Variants in LRRTM4 observed in about 807,000 individuals in gnomAD.
LRRTM4 encodes the protein leucine rich repeat transmembrane neuronal 4.
LRRTM4 carries 25 observed loss-of-function variants against 47.6 expected under a neutral mutation model. The observed-to-expected ratio is 0.53, with a 90% CI of 0.38 to 0.73. LRRTM4 has a LOEUF of 0.73. Ranked by LOEUF, LRRTM4 falls within the 30% of genes least tolerant of loss-of-function variation. The pLI is 0.00. For missense variants in LRRTM4, 638 were observed against 713.4 expected (o/e 0.89, Z 1.20); for synonymous variants, 311 against 269.5 (o/e 1.15, Z -1.51).
At chr2:77,205,072 G>A (rs986534067) in intron 3 of LRRTM4, among the ~76,000 whole-genome samples, 5 of 152,162 alleles carry the variant, frequency 3.3e-5, no homozygotes, top group Admixed American at 1.3e-4. Flanking sequence ...TTACTTATCC[G>A]TTGGAAGGGT....
intron 3 of LRRTM4, among the ~76,000 whole-genome samples, chr2:77,021,092 CTGTATCTATCTATCTA>C (rs1341265960): frequency 1.5e-5 from 2 of 137,298 alleles, no homozygotes; most frequent in South Asian, 2.4e-4. Context: ...AGAAACTTCT[CTGTATCTATCTATCTA>C]TGTATCTATC....
chr2:77,166,263 C>A (rs1272640235), intron 3 of LRRTM4, among the ~76,000 whole-genome samples: 1 of 152,062 alleles, frequency 6.6e-6, no homozygotes, highest in Non-Finnish European at 1.5e-5. Flanking sequence ...ATGTGAAGGA[C>A]CTCTTCAAGG....
chr2:77,176,770 T>C (rs1028983983), intron 3 of LRRTM4, among the ~76,000 whole-genome samples: 3 of 152,174 alleles, frequency 2.0e-5, no homozygotes, highest in African/African-American at 7.2e-5. Flanking sequence ...GCTCCTGAGA[T>C]AGGAATCTGG....
intron 3 of LRRTM4, among the ~76,000 whole-genome samples, chr2:76,831,813 T>A (rs981080469): frequency 1.1e-4 from 17 of 152,158 alleles, no homozygotes; most frequent in East Asian, 3.9e-4. Flanking sequence ...TAGCTTTTTT[T>A]AAAAAAAATT....
At chr2:76,766,577 A>C (rs1166295969) in intron 3 of LRRTM4, among the ~76,000 whole-genome samples, 1 of 152,152 alleles carries the variant, frequency 6.6e-6, no homozygotes, top group Non-Finnish European at 1.5e-5. Context: ...TTCCTTCATC[A>C]AGTTCTCTTG....
intron 3 of LRRTM4, among the ~76,000 whole-genome samples, chr2:77,379,093 C>T (rs1672949302): frequency 6.6e-6 from 1 of 151,928 alleles, no homozygotes; most frequent in Admixed American, 6.6e-5. Context: ...AATGATTGTA[C>T]TTATATAGTG....
At chr2:76,919,530 A>C (rs1674368229) in intron 3 of LRRTM4, among the ~76,000 whole-genome samples, 1 of 152,088 alleles carries the variant, frequency 6.6e-6, no homozygotes, top group Non-Finnish European at 1.5e-5. Flanking sequence ...TTTGAACTTG[A>C]CTATGTAAGG....
Position 76,945,769 on chromosome 2 carries a change from GTGTGTA to G in LRRTM4, c.1552-196859_1552-196854del, listed in dbSNP as rs1009270143. ...AGTGTGTAGAAGTGTGTGTGTGTGTGTGTGTATGTGTATGTATTTATTTCAAAACAT... is the reference window on the plus strand; with the variant it reads ...AGTGTGTAGAAGTGTGTGTGTGTGTGTGTGTATGTATTTATTTCAAAACAT... On this transcript the variant is annotated intron_variant, in intron 3 of 3. Coordinates refer to ENST00000409884, the MANE Select transcript of LRRTM4 (RefSeq NM_001134745.3). Among the ~76,000 whole-genome samples, 609 of 142,698 alleles carry G rather than the reference GTGTGTA, an allele frequency of 4.3e-3. 16 individuals are homozygous for G. In the South Asian group the frequency reaches 0.062, roughly 15 times the overall value. The allele number at this position is 142,698 out of a possible 152,430, so 93.6% of individuals were successfully genotyped here.
chr2:77,181,756 A>G (rs1224367904), intron 3 of LRRTM4, among the ~76,000 whole-genome samples: 1 of 152,114 alleles, frequency 6.6e-6, no homozygotes, highest in Non-Finnish European at 1.5e-5. Flanking sequence ...AAAGCAGTAG[A>G]TGTTTAGGAG....
At chr2:76,969,097 A>G (rs960450445) in intron 3 of LRRTM4, among the ~76,000 whole-genome samples, 15 of 151,890 alleles carry the variant, frequency 9.9e-5, no homozygotes, top group Admixed American at 7.9e-4. Flanking sequence ...TCAATTTTTT[A>G]TAACTCAGAA....
At chr2:77,164,479 T>C (rs1672823876) in intron 3 of LRRTM4, among the ~76,000 whole-genome samples, 1 of 152,046 alleles carries the variant, frequency 6.6e-6, no homozygotes, top group African/African-American at 2.4e-5. Flanking sequence ...TCTACAGAAC[T>C]CTCCACCCCA....
intron 3 of LRRTM4, among the ~76,000 whole-genome samples, chr2:77,290,899 G>C (rs565525754): frequency 6.6e-6 from 1 of 151,934 alleles, no homozygotes; most frequent in Non-Finnish European, 1.5e-5. Flanking sequence ...CTGATATGTT[G>C]TTCATGCCTC....
At chr2:77,330,616 C>T (rs1670939939) in intron 3 of LRRTM4, among the ~76,000 whole-genome samples, 1 of 152,048 alleles carries the variant, frequency 6.6e-6, no homozygotes, top group African/African-American at 2.4e-5. Context: ...AATCTGAGTT[C>T]TATTTTATGT....
chr2:76,816,819 GTTTTTT>G (rs201525166), intron 3 of LRRTM4, among the ~76,000 whole-genome samples: 18 of 96,442 alleles, frequency 1.9e-4, no homozygotes, highest in Non-Finnish European at 3.0e-4. Flanking sequence ...GAGGTAAAGA[GTTTTTT>G]TTTTTTTTTT....
chr2:77,182,663 T>C (rs1308137777), intron 3 of LRRTM4, among the ~76,000 whole-genome samples: 1 of 152,144 alleles, frequency 6.6e-6, no homozygotes, highest in Admixed American at 6.6e-5. Flanking sequence ...TTTTTCTAAT[T>C]GAATTCTCCT....
chr2:76,820,390 A>G (rs1477579370), intron 3 of LRRTM4, among the ~76,000 whole-genome samples: 1 of 151,842 alleles, frequency 6.6e-6, no homozygotes, highest in African/African-American at 2.4e-5. Flanking sequence ...GTCCTGGACT[A>G]AAGCAATGTT....
chr2:77,351,871 C>T (rs528700794), intron 3 of LRRTM4, among the ~76,000 whole-genome samples: 22 of 152,006 alleles, frequency 1.4e-4, no homozygotes, highest in Non-Finnish European at 3.1e-4. Context: ...TATTTTTAAA[C>T]CCAAATAACA....
chr2:76,797,011 G>A (rs1048121431), intron 3 of LRRTM4, among the ~76,000 whole-genome samples: 1 of 152,070 alleles, frequency 6.6e-6, no homozygotes, highest in African/African-American at 2.4e-5. Flanking sequence ...AAAGTGATGG[G>A]GAGAATGCAA....
chr2:77,264,971 T>C (rs1301466969), intron 3 of LRRTM4, among the ~76,000 whole-genome samples: 1 of 152,096 alleles, frequency 6.6e-6, no homozygotes, highest in Non-Finnish European at 1.5e-5. Flanking sequence ...TCAAAGATGG[T>C]AAAACAACAG....
Sources: allele counts gnomAD v4.1 joint callset (sites outside exome capture counted in the v4.1 genomes callset), GRCh38; gene constraint gnomAD v4.1.1; transcripts MANE v1.5; gene names NCBI Gene and HGNC (gene_info 2026-07-23, HGNC 2026-07-21).